CREG2: variants seen among roughly 807,000 people sequenced by gnomAD.
CREG2 encodes the protein cellular repressor of E1A stimulated genes 2.
A neutral mutation model predicts 26.2 loss-of-function variants in CREG2; 24 were observed. The observed-to-expected ratio is 0.92, with a 90% confidence interval of 0.66 to 1.29. The LOEUF is 1.29. Among genes scored for constraint, CREG2 ranks in the 50% most tolerant of loss-of-function variants. CREG2 has a pLI of 0.00. For synonymous variants in CREG2, 174 were observed against 169.2 expected (o/e 1.03, Z -0.22); for missense variants, 366 against 398.6 (o/e 0.92, Z 0.70).
chr2:101,373,545 C>CATCACTT (rs1684744024), intron 2 of CREG2, among the ~76,000 whole-genome samples: 2 of 152,208 alleles, frequency 1.3e-5, no homozygotes, highest in Middle Eastern at 3.4e-3. Context: ...TTATTTGTGT[C>CATCACTT]ATTTCTGCTT....
intron 2 of CREG2, among the ~76,000 whole-genome samples, chr2:101,373,909 C>T (rs72988797): frequency 0.13 from 19,621 of 152,240 alleles, 1,400 homozygotes; most frequent in African/African-American, 0.18. Flanking sequence ...CTCTGTCACC[C>T]AGGCTGGAGG....
chr2:101,350,827 C>T lies in CREG2; in HGVS notation c.*96G>A. 7.8e-7 allele frequency: 1 copy of T among 1,277,920 alleles called. No homozygotes were observed. The highest frequency in any genetic ancestry group is 1.3e-5 in the South Asian group (1 of 74,926). 79.2% of individuals were successfully genotyped at this position (1,277,920 alleles called of 1,614,324 possible). ...CAGGGATGGCAGGGCTGCTATGAAC[C>T]CTTCAACAAAGAGACAGTGGTCAAT... On this transcript the variant is annotated 3_prime_UTR_variant, in exon 4 of 4. Coordinates refer to ENST00000324768, the MANE Select transcript of CREG2 (RefSeq NM_153836.4).
At chr2:101,373,336 A>G (rs1411689559) in intron 2 of CREG2, among the ~76,000 whole-genome samples, 1 of 152,266 alleles carries the variant, frequency 6.6e-6, no homozygotes, top group Admixed American at 6.5e-5. Flanking sequence ...ATGAACCTTG[A>G]AAACATTATG....
chr2:101,379,967 G>GC (rs1684846278), intron 2 of CREG2, among the ~76,000 whole-genome samples: 1 of 122,724 alleles, frequency 8.1e-6, no homozygotes, highest in East Asian at 2.4e-4. Flanking sequence ...ATGTGTGAAA[G>GC]CTTCTATCTA....
chr2:101,369,247 C>T (rs1684666497), intron 2 of CREG2, among the ~76,000 whole-genome samples: 1 of 151,918 alleles, frequency 6.6e-6, no homozygotes, highest in South Asian at 2.1e-4. Flanking sequence ...GGGCTTGGGC[C>T]AGGGGGTGGA....
At chr2:101,365,032 A>G (rs1482397489) in intron 2 of CREG2, among the ~76,000 whole-genome samples, 1 of 152,204 alleles carries the variant, frequency 6.6e-6, no homozygotes, top group Non-Finnish European at 1.5e-5. Flanking sequence ...TGCTTTTGCT[A>G]GCAAATCTGG....
At position 101,350,995 on chromosome 2, in the gene CREG2, A is replaced by G; in HGVS notation, c.801T>C (p.Leu267=). 6.2e-7 allele frequency: 1 copy of G among 1,614,176 alleles called. No individual in the cohort carries two copies. The stretch of plus-strand genomic sequence containing the variant: ...TGGATGCGCCTCCATACCATTTCTG[A>G]AGCCAGATATGTTCTATCCTCATCT... The part of the protein sequence containing the change: ...FMKMRIEHIW[L]QKWYGGASSI... Residue 267 remains leucine, a synonymous_variant, in exon 4 of 4, where the codon CTT becomes CTC. Coordinates refer to ENST00000324768, the MANE Select transcript of CREG2 (RefSeq NM_153836.4).
At chr2:101,385,780 C>T (rs1373317443) in intron 1 of CREG2, among the ~76,000 whole-genome samples, 3 of 152,304 alleles carry the variant, frequency 2.0e-5, no homozygotes, top group Non-Finnish European at 4.4e-5. Context: ...CATGGCAGTA[C>T]ATTGTGTAAA....
intron 1 of CREG2, among the ~76,000 whole-genome samples, chr2:101,386,552 G>T (rs1573321463): frequency 6.6e-6 from 1 of 152,238 alleles, no homozygotes; most frequent in East Asian, 1.9e-4. Context: ...GATTTCCATC[G>T]AAGCCCTCGT....
chr2:101,377,430 C>A (rs1052015675), intron 2 of CREG2, among the ~76,000 whole-genome samples: 1 of 152,114 alleles, frequency 6.6e-6, no homozygotes, highest in African/African-American at 2.4e-5. Flanking sequence ...CAAGAAGGTG[C>A]GAACCTAAAA....
chr2:101,370,029 G>T (rs994057048), intron 2 of CREG2, among the ~76,000 whole-genome samples: 34 of 152,178 alleles, frequency 2.2e-4, no homozygotes, highest in African/African-American at 7.7e-4. Flanking sequence ...GGAATACAGT[G>T]GGTAACAGTC....
Position 101,350,799 on chromosome 2 carries a change from C to T in CREG2, c.*124G>A, listed in dbSNP as rs2104467548. ...TCCCTGTTCACCCTCTCTCATTCTG[C>T]TGCAGGGATGGCAGGGCTGCTATGA... On this transcript the variant is annotated 3_prime_UTR_variant, in exon 4 of 4. Transcript: ENST00000324768. 1.1e-6 allele frequency: 1 copy of T among 951,350 alleles called. No homozygotes were observed. The highest frequency in any genetic ancestry group is 1.6e-5 in the South Asian group (1 of 63,032). 58.9% of individuals were successfully genotyped at this position (951,350 alleles called of 1,614,324 possible). A position where few individuals can be genotyped will look rare whatever the true frequency, so the allele number is the denominator to read the frequency against.
chr2:101,382,296 T>A (rs529905518), intron 2 of CREG2: 1 of 162,968 alleles, frequency 6.1e-6, no homozygotes, highest in African/African-American at 2.4e-5. Flanking sequence ...TGGACACCTG[T>A]AATCCCAGCT....
At chr2:101,375,445 A>G (rs10186962) in intron 2 of CREG2, 54,269 of 152,122 alleles carry the variant, frequency 0.36, 9,878 homozygotes, top group East Asian at 0.46. Context: ...GGTGTGGCCC[A>G]TGGCCATCTT....
Position 101,350,143 on chromosome 2 carries a change from C to T in CREG2, c.*780G>A, listed in dbSNP as rs1466423784. The T allele has an allele frequency of 6.6e-6, 1 of 152,318 alleles. No homozygotes were observed. Among genetic ancestry groups the T allele is most frequent in the African/African-American group, 2.4e-5 (1 of 41,450 alleles). The allele number at this position is 152,318 out of a possible 1,614,324, so 9.4% of individuals were successfully genotyped here. ...CCCACTCCCCTCTCCGCTTTCCCCACCACAGAATGGAGAGCTTCTTATTTT... is the reference window on the plus strand; with the variant it reads ...CCCACTCCCCTCTCCGCTTTCCCCATCACAGAATGGAGAGCTTCTTATTTT... On this transcript the variant is annotated 3_prime_UTR_variant, in exon 4 of 4. Transcript: ENST00000324768.
In CREG2 at chr2:101,348,197, C is replaced by T. The variant is rs946016896; in HGVS notation, c.*2726G>A. ...CACCAAATACCACACTTCTTGAATA[C>T]TGTAGCTACATCATAACTCTATATT... On this transcript the variant is annotated 3_prime_UTR_variant, in exon 4 of 4. Coordinates refer to ENST00000324768, the MANE Select transcript of CREG2 (RefSeq NM_153836.4). The T allele has an allele frequency of 6.6e-6, 1 of 152,224 alleles. No individual in the cohort carries two copies. The highest frequency in any genetic ancestry group is 1.5e-5 in the Non-Finnish European group (1 of 68,034). The allele number at this position is 152,224 out of a possible 1,614,324, so 9.4% of individuals were successfully genotyped here. A position where few individuals can be genotyped will look rare whatever the true frequency, so the allele number is the denominator to read the frequency against.
At chr2:101,363,438 G>C (rs1416510738) in intron 2 of CREG2, among the ~76,000 whole-genome samples, 1 of 152,076 alleles carries the variant, frequency 6.6e-6, no homozygotes, top group African/African-American at 2.4e-5. Flanking sequence ...ATTTTTATGG[G>C]CTACAATTTT....
At chr2:101,363,992 T>A (rs1385802845) in intron 2 of CREG2, among the ~76,000 whole-genome samples, 1 of 152,222 alleles carries the variant, frequency 6.6e-6, no homozygotes, top group East Asian at 1.9e-4. Flanking sequence ...TTCCTCTCCA[T>A]AAAAGGCAAC....
intron 2 of CREG2, among the ~76,000 whole-genome samples, chr2:101,376,370 C>G (rs571627064): frequency 6.6e-6 from 1 of 151,954 alleles, no homozygotes; most frequent in African/African-American, 2.4e-5. Context: ...ATCCACCTCC[C>G]GGGTTCAAGC....
Sources: gnomAD v4.1 joint callset for allele counts (sites outside exome capture counted in the v4.1 genomes callset) on GRCh38, gnomAD v4.1.1 for gene constraint, MANE v1.5 for transcripts, NCBI Gene and HGNC (gene_info 2026-07-23, HGNC 2026-07-21) for gene names.